The following ARHGAP29 variants were observed in gnomAD, a reference collection of about 807,000 sequenced individuals.
ARHGAP29 encodes rho GTPase-activating protein 29.
A neutral mutation model predicts 122.6 loss-of-function variants in ARHGAP29; 43 were observed. That is an observed-to-expected ratio of 0.35 (90% confidence interval 0.27 to 0.45). The LOEUF (loss-of-function observed/expected upper bound fraction) is 0.45. Ranked by LOEUF, ARHGAP29 falls within the 20% of genes least tolerant of loss-of-function variation. The pLI, the probability that ARHGAP29 is intolerant of heterozygous loss-of-function variation, is 1.00. For missense variants in ARHGAP29, 1,303 were observed against 1,477.2 expected, an observed-to-expected ratio of 0.88 and a Z score of 1.93; for synonymous variants, 506 against 497.1, an observed-to-expected ratio of 1.02 and a Z score of -0.24.
chr1:94,241,094 A>T (rs906487071), upstream of ARHGAP29, among the ~76,000 whole-genome samples: 9 of 152,190 alleles, frequency 5.9e-5, no homozygotes, highest in Non-Finnish European at 1.3e-4. Flanking sequence ...CCAAGAAAGA[A>T]TTATCCTGCC....
At chr1:94,175,697 A>T (rs979365475) in intron 22 of ARHGAP29, among the ~76,000 whole-genome samples, 10 of 150,928 alleles carry the variant, frequency 6.6e-5, no homozygotes, top group South Asian at 4.2e-4. Context: ...AGGCTCTTTT[A>T]TTGTTTTGTT....
At position 94,174,052 on chromosome 1, in the gene ARHGAP29, G is replaced by A. The variant is rs373554987; in HGVS notation, c.3603C>T (p.Leu1201=). Residue 1201 remains leucine (L), a synonymous_variant, in exon 23 of 23, where the codon CTC becomes CTT. Transcript: ENST00000260526. ...PPGTDHDPHG[L]VVKSMPDPDK... ...CTGGGTCTGGCATTGACTTCACCAC[G>A]AGACCGTGGGGATCGTGATCTGTGC... is the stretch of plus-strand genomic sequence containing the variant. The A allele has an allele frequency of 3.7e-5, 59 of 1,614,036 alleles. No individual in the cohort carries two copies. The highest frequency in any genetic ancestry group is 4.3e-5 in the Non-Finnish European group (51 of 1,180,030).
Position 94,214,007 on chromosome 1 carries a change from TTCTC to T in ARHGAP29, c.341-4661_341-4658del, listed in dbSNP as rs142110000. Among the ~76,000 whole-genome samples, 1,253 of 152,300 alleles carry T rather than the reference TTCTC, an allele frequency of 8.2e-3. 24 individuals are homozygous for T. Among genetic ancestry groups the T allele is most frequent in the African/African-American group, 0.029 (1,192 of 41,550 alleles). On this transcript the variant is annotated intron_variant, in intron 3 of 22. Coordinates refer to ENST00000260526, the MANE Select transcript of ARHGAP29 (RefSeq NM_004815.4). ...CACTTAATATGTATGTTGGACAAGCTTCTCTCTATGCCTCAGTTTCCATATCTGC... is the reference window on the plus strand; with the variant it reads ...CACTTAATATGTATGTTGGACAAGCTTCTATGCCTCAGTTTCCATATCTGC...
At chr1:94,215,730 C>T (rs1433970706) in intron 3 of ARHGAP29, among the ~76,000 whole-genome samples, 1 of 151,878 alleles carries the variant, frequency 6.6e-6, no homozygotes, top group Non-Finnish European at 1.5e-5. Context: ...ACTCAAAACC[C>T]AGAAACCATA....
At chr1:94,222,738 C>G (rs1652376765) in intron 2 of ARHGAP29, among the ~76,000 whole-genome samples, 1 of 152,134 alleles carries the variant, frequency 6.6e-6, no homozygotes, top group African/African-American at 2.4e-5. Context: ...CATTTTATTA[C>G]TGGTTATCAA....
At chr1:94,220,674 A>G (rs545184105) in intron 2 of ARHGAP29, among the ~76,000 whole-genome samples, 1 of 152,256 alleles carries the variant, frequency 6.6e-6, no homozygotes, top group South Asian at 2.1e-4. Context: ...TGTGCTCCAG[A>G]CTTCCCTTGA....
intron 1 of ARHGAP29, among the ~76,000 whole-genome samples, chr1:94,268,667 A>G (rs185503310): frequency 2.0e-4 from 31 of 152,324 alleles, no homozygotes; most frequent in Non-Finnish European, 3.4e-4. Context: ...TGGCATATTT[A>G]TTAAGCTAGA....
At chr1:94,208,407 A>C (rs1474159153) in intron 5 of ARHGAP29, among the ~76,000 whole-genome samples, 1 of 152,018 alleles carries the variant, frequency 6.6e-6, no homozygotes, top group Non-Finnish European at 1.5e-5. Flanking sequence ...ACTACCATAA[A>C]CTTTAAAGAA....
At chr1:94,192,437 G>A (rs573347900) in intron 12 of ARHGAP29, 10 of 152,338 alleles carry the variant, frequency 6.6e-5, no homozygotes, top group African/African-American at 1.9e-4. Context: ...GAACAAAAGC[G>A]GGGAGGGGTG....
chr1:94,185,607 A>C, intron 16 of ARHGAP29, 126 bp from the exon 17 acceptor site: 1 of 810,758 alleles, frequency 1.2e-6, no homozygotes, highest in Non-Finnish European at 1.7e-6. Context: ...TGAATCTCTA[A>C]TATCAAAATA....
intron 22 of ARHGAP29, among the ~76,000 whole-genome samples, chr1:94,175,541 A>G (rs1420307249): frequency 6.6e-6 from 1 of 152,064 alleles, no homozygotes; most frequent in African/African-American, 2.4e-5. Flanking sequence ...CACAGCATGC[A>G]ATCCTTTCTC....
chr1:94,200,773 C>T (rs746119906), intron 12 of ARHGAP29, among the ~76,000 whole-genome samples: 22 of 152,050 alleles, frequency 1.4e-4, no homozygotes, highest in Non-Finnish European at 2.8e-4. Flanking sequence ...GTAAAATAAA[C>T]CAGTCAAAAG....
chr1:94,219,934 C>T (rs1238430097), intron 3 of ARHGAP29, among the ~76,000 whole-genome samples: 2 of 152,176 alleles, frequency 1.3e-5, no homozygotes, highest in African/African-American at 2.4e-5. Context: ...TTTGTCCTCA[C>T]CTAACAAAGA....
chr1:94,282,134 C>T, the ARHGAP29 span, among the ~76,000 whole-genome samples: 1 of 152,028 alleles, frequency 6.6e-6, no homozygotes, highest in African/African-American at 2.4e-5. Flanking sequence ...GGCCCTATCA[C>T]CCAGAATCTG....
chr1:94,227,775 A>C (rs1652690080), intron 2 of ARHGAP29, among the ~76,000 whole-genome samples: 1 of 151,824 alleles, frequency 6.6e-6, no homozygotes, highest in South Asian at 2.1e-4. Context: ...GTTATTCCAC[A>C]GGGAGGAAAC....
intron 5 of ARHGAP29, among the ~76,000 whole-genome samples, chr1:94,206,228 G>A (rs928752716): frequency 6.6e-6 from 1 of 152,096 alleles, no homozygotes; most frequent in Non-Finnish European, 1.5e-5. Flanking sequence ...GTGACTAGGA[G>A]GTGGAAGTGA....
At chr1:94,177,365 A>G in intron 22 of ARHGAP29, 1 of 325,096 alleles carries the variant, frequency 3.1e-6, no homozygotes, top group East Asian at 5.8e-5. Context: ...CAAAATTCAG[A>G]AGGAACACAA....
intron 18 of ARHGAP29, 104 bp downstream of exon 18, chr1:94,184,768 A>C: frequency 1.0e-6 from 1 of 999,658 alleles, no homozygotes; most frequent in South Asian, 1.9e-5. Flanking sequence ...ACAGAACAAA[A>C]CAAAAAAAAC....
chr1:94,262,702 A>G, intron 1 of ARHGAP29, among the ~76,000 whole-genome samples: 1 of 152,228 alleles, frequency 6.6e-6, no homozygotes, highest in Admixed American at 6.5e-5. Context: ...ACAATGAGAT[A>G]CCATCTCACA....
Sources: allele counts gnomAD v4.1 joint callset (sites outside exome capture counted in the v4.1 genomes callset), GRCh38; gene constraint gnomAD v4.1.1; transcripts MANE v1.5; gene names NCBI Gene and HGNC (gene_info 2026-07-23, HGNC 2026-07-21).